Variants in RNF213 observed in about 807,000 individuals in gnomAD.
RNF213 encodes the protein ring finger protein 213.
A neutral mutation model predicts 514.4 loss-of-function variants in RNF213; 341 were observed. That is an observed-to-expected ratio of 0.66 (90% CI 0.61 to 0.73). The LOEUF (loss-of-function observed/expected upper bound fraction) is 0.73. RNF213 is among the 30% of genes least tolerant of loss of function. The pLI is 0.00. For synonymous variants in RNF213, 2,655 were observed against 2,658.2 expected, an observed-to-expected ratio of 1.00 and a Z score of 0.04; for missense variants, 5,767 against 6,615.6, an observed-to-expected ratio of 0.87 and a Z score of 4.45.
At chr17:80,318,592 G>A (rs1487787845) in intron 16 of RNF213, among the ~76,000 whole-genome samples, 3 of 140,878 alleles carry the variant, frequency 2.1e-5, no homozygotes, top group East Asian at 2.3e-4. Flanking sequence ...TTTTTTTTTT[G>A]AGACGGGGTC....
In RNF213 at chr17:80,346,978, C is replaced by T. The variant is rs768452142; in HGVS notation, c.8643C>T (p.Phe2881=). Residue 2881 remains phenylalanine (F), a synonymous_variant, in exon 29 of 68, where the codon TTC becomes TTT. Coordinates refer to ENST00000582970, the MANE Select transcript of RNF213 (RefSeq NM_001256071.3). The surrounding 1 kb of genome is among the most constrained non-coding windows in gnomAD (Gnocchi z 8.1). ...DDPAPHKKVG[F]VGISNWALDP... is the part of the protein sequence containing the mutation. ...CCGCCCCCCACAAAAAGGTCGGCTT[C>T]GTGGGCATCTCCAACTGGGCCCTTG... 4.3e-6 allele frequency: 7 copies of T among 1,613,690 alleles called. No individual in the cohort carries two copies. Among genetic ancestry groups the T allele is most frequent in the South Asian group, 2.2e-5 (2 of 91,044 alleles).
Position 80,353,861 on chromosome 17 carries a change from G to T in RNF213, c.10579-158G>T, listed in dbSNP as rs1379847262. On this transcript the variant is annotated intron_variant, in intron 34 of 67. Transcript: ENST00000582970. This position sits in a 1 kb window ranked among gnomAD's most constrained non-coding sequence, Gnocchi z 5.0. The stretch of plus-strand genomic sequence containing the variant: ...TCAAGGGCATCTGCACCGGCAGTTT[G>T]GGGGGTGCAGGGCGGAGGTCGGCGT... 8 of 1,175,644 alleles carry T rather than the reference G, an allele frequency of 6.8e-6. No individual in the cohort carries two copies. The highest frequency in any genetic ancestry group is 6.5e-5 in the South Asian group (5 of 76,790). The allele number at this position is 1,175,644 out of a possible 1,614,324, so 72.8% of individuals were successfully genotyped here.
rs2144107596 is a variant in RNF213, at chr17:80,343,719, TG to T, written c.6184-135del. The T allele has an allele frequency of 2.2e-6, 2 of 890,932 alleles. No individual in the cohort carries two copies. Among genetic ancestry groups the T allele is most frequent in the East Asian group, 4.8e-5 (2 of 41,364 alleles). The allele number at this position is 890,932 out of a possible 1,614,324, so 55.2% of individuals were successfully genotyped here. ...TTTTATGGGGCTGCCCTTGGAGACA[TG>T]GGCCGTTGTTGGCTGAAATGTTGAT... On this transcript the variant is annotated intron_variant, in intron 27 of 67. Transcript: ENST00000582970. The surrounding 1 kb of genome is among the most constrained non-coding windows in gnomAD (Gnocchi z 4.3).
At chr17:80,372,816 T>C (rs547217901) in intron 48 of RNF213, 82 bp downstream of exon 48, 74 of 1,436,376 alleles carry the variant, frequency 5.2e-5, no homozygotes, top group African/African-American at 9.8e-5. Context: ...AACTAGTTCT[T>C]CGAATAGACT....
intron 46 of RNF213, among the ~76,000 whole-genome samples, chr17:80,371,008 GA>G (rs2079495876): frequency 9.1e-6 from 1 of 109,982 alleles, no homozygotes; most frequent in East Asian, 2.2e-4. Context: ...AATGAATATG[GA>G]TTTTTTTTTT....
Position 80,377,094 on chromosome 17 carries a change from C to G in RNF213, c.13510+131C>G. 1 of 708,834 alleles carries G rather than the reference C, an allele frequency of 1.4e-6. No individual in the cohort carries two copies. Among genetic ancestry groups the G allele is most frequent in the Non-Finnish European group, 2.5e-6 (1 of 392,986 alleles). 43.9% of individuals were successfully genotyped at this position (708,834 alleles called of 1,614,324 possible). A position where few individuals can be genotyped will look rare whatever the true frequency, so the allele number is the denominator to read the frequency against. ...AGGGTCCAAAACCACCTGCATTCTA[C>G]CGGTGGCGTCTGCAGAAGACGAATG... On this transcript the variant is annotated intron_variant, in intron 53 of 67. Transcript: ENST00000582970. This position sits in a 1 kb window ranked among gnomAD's most constrained non-coding sequence, Gnocchi z 4.1.
At chr17:80,378,394 G>A (rs936491159) in intron 54 of RNF213, among the ~76,000 whole-genome samples, 1 of 152,188 alleles carries the variant, frequency 6.6e-6, no homozygotes, top group Non-Finnish European at 1.5e-5. Flanking sequence ...TCCATACACA[G>A]TATCTGTACT....
At chr17:80,381,954 C>T (rs756208639) in intron 57 of RNF213, 206 of 556,068 alleles carry the variant, frequency 3.7e-4, no homozygotes, top group Non-Finnish European at 6.0e-4. Flanking sequence ...AGGAGCTGCT[C>T]TGTTCCCTCC....
chr17:80,346,301 G>C lies in RNF213; in HGVS notation c.7966G>C (p.Ala2656Pro). ...TTTCAGGTGGTTCCACGAGCACAGC[G>C]CGATGCTCTTAGCGCAGCTGAATGC... is the stretch of plus-strand genomic sequence containing the variant. ...KVFRWFHEHS[A>P]MLLAQLNAFL... The change falls in exon 29 of 68, where the codon GCG becomes CCG. Residue 2656 changes from alanine to proline, a missense_variant. Around this residue, in one of 13 missense-constraint regions of RNF213, gnomAD observed 1,377 missense variants for 1,635.2 expected, o/e 0.84. Transcript: ENST00000582970. This position sits in a 1 kb window ranked among gnomAD's most constrained non-coding sequence, Gnocchi z 8.1. The C allele has an allele frequency of 6.2e-7, 1 of 1,614,106 alleles. No homozygotes were observed.
chr17:80,295,304 A>C (rs186037056), intron 9 of RNF213, among the ~76,000 whole-genome samples: 2 of 152,306 alleles, frequency 1.3e-5, no homozygotes, highest in Non-Finnish European at 2.9e-5. Context: ...ACTGCGGTGC[A>C]GCCTGGGTGG....
rs1232041555 is a variant in RNF213 at position 80,354,070 on chromosome 17, G to A, written c.10630G>A (p.Val3544Met). 4 of 1,613,896 alleles carry A rather than the reference G, an allele frequency of 2.5e-6. No homozygotes were observed. The highest frequency in any genetic ancestry group is 2.2e-5 in the East Asian group (1 of 44,896). Residue 3544 changes from valine to methionine, a missense_variant, in exon 35 of 68, where the codon GTG (valine) becomes ATG (methionine). Coordinates refer to ENST00000582970, the MANE Select transcript of RNF213 (RefSeq NM_001256071.3). The stretch of plus-strand genomic sequence containing the variant: ...GCTGAGAAGCTGTGTGCAGAGCGCC[G>A]TGGGCATGCTCAGAGACCAGAACGA... Reference protein sequence around the residue: ...RLLRSCVQSAVGMLRDQNESC... With the variant: ...RLLRSCVQSAMGMLRDQNESC...
rs922168314 is a variant in RNF213, at chr17:80,386,131, C to G, written c.14540-119C>G. 10 of 969,798 alleles carry G rather than the reference C, an allele frequency of 1.0e-5. No homozygotes were observed. In the Admixed American group the frequency reaches 1.6e-4, roughly 16 times the overall value. 60.1% of individuals were successfully genotyped at this position (969,798 alleles called of 1,614,324 possible). The stretch of plus-strand genomic sequence containing the variant: ...ATCAGCATATGAGATGGGGCAGAAC[C>G]GAGACCCGGCTCCCGGCTGTGTGTG... On this transcript the variant is annotated intron_variant, in intron 61 of 67. Transcript: ENST00000582970.
chr17:80,318,249 G>A lies in RNF213; in HGVS notation c.2902-941G>A, dbSNP rs115072215. Among the ~76,000 whole-genome samples the A allele has an allele frequency of 2.5e-3, 382 of 152,302 alleles. 1 individual carries two copies. The highest frequency in any genetic ancestry group is 8.7e-3 in the African/African-American group (360 of 41,558). On this transcript the variant is annotated intron_variant, in intron 16 of 67. Coordinates refer to ENST00000582970, the MANE Select transcript of RNF213 (RefSeq NM_001256071.3). The stretch of plus-strand genomic sequence containing the variant: ...TCTATTGGTAAAAAGACATTACTCC[G>A]AAAGAACCAGTGGGGAGAGAGTAGG...
At chr17:80,391,690 T>C (rs2080477314) in intron 67 of RNF213, among the ~76,000 whole-genome samples, 1 of 152,022 alleles carries the variant, frequency 6.6e-6, no homozygotes, top group South Asian at 2.1e-4. Flanking sequence ...TCTGACAGAA[T>C]TTTCCTATAA....
At chr17:80,273,683 G>A (rs983046885) in intron 3 of RNF213, among the ~76,000 whole-genome samples, 9 of 146,236 alleles carry the variant, frequency 6.2e-5, no homozygotes, top group African/African-American at 1.3e-4. Flanking sequence ...GCAGTGGTGC[G>A]ATCTCGGCTC....
chr17:80,337,437 C>T (rs1343990793), intron 23 of RNF213, 149 bp from the exon 24 acceptor site: 10 of 970,844 alleles, frequency 1.0e-5, no homozygotes, highest in East Asian at 2.6e-5. Flanking sequence ...CCAGCTGGGG[C>T]GCTGGGTGGG....
chr17:80,354,765 G>A, intron 36 of RNF213, 189 bp downstream of exon 36: 1 of 660,630 alleles, frequency 1.5e-6, no homozygotes, highest in Non-Finnish European at 2.6e-6. Flanking sequence ...CCAAATGGCA[G>A]GTGCTGGACT....
At chr17:80,268,980 C>G (rs113809573) in intron 2 of RNF213, among the ~76,000 whole-genome samples, 277 of 152,322 alleles carry the variant, frequency 1.8e-3, no homozygotes, top group African/African-American at 5.9e-3. Flanking sequence ...GACCCGAGAT[C>G]CCCCTGGCAA....
intron 9 of RNF213, among the ~76,000 whole-genome samples, 162 bp downstream of exon 9, chr17:80,295,165 C>T (rs1568026294): frequency 6.6e-6 from 1 of 152,174 alleles, no homozygotes; most frequent in African/African-American, 2.4e-5. Context: ...TTTCTCTGCC[C>T]TCCCCCATTT....
Sources: gnomAD v4.1 joint callset for allele counts (sites outside exome capture counted in the v4.1 genomes callset) on GRCh38, gnomAD v4.1.1 for gene constraint, gnomAD v4.1.1 regional missense constraint, Gnocchi (gnomAD v3.1) non-coding constraint, MANE v1.5 for transcripts, NCBI Gene and HGNC (gene_info 2026-07-23, HGNC 2026-07-21) for gene names.